The following SLC24A4 variants were observed in gnomAD, a reference collection of about 807,000 sequenced individuals.
SLC24A4 encodes the protein solute carrier family 24 member 4.
SLC24A4 carries 53 observed loss-of-function variants against 79.0 expected under a neutral mutation model. The observed-to-expected ratio is 0.67, with a 90% confidence interval of 0.54 to 0.84. The LOEUF is 0.84. Ranked by LOEUF, SLC24A4 falls within the 40% of genes least tolerant of loss-of-function variation. The pLI, the probability that SLC24A4 is intolerant of heterozygous loss-of-function variation, is 0.00. For synonymous variants in SLC24A4, 323 were observed against 323.8 expected (o/e 1.00, Z 0.03); for missense variants, 731 against 822.0 (o/e 0.89, Z 1.35).
intron 2 of SLC24A4, among the ~76,000 whole-genome samples, chr14:92,351,847 G>A (rs1886897535): frequency 6.6e-6 from 1 of 151,050 alleles, no homozygotes; most frequent in Admixed American, 6.6e-5. Flanking sequence ...CTGGGTGACA[G>A]GGTGAGATCT....
At chr14:92,429,946 T>TA (rs1367648905) in intron 2 of SLC24A4, among the ~76,000 whole-genome samples, 1 of 152,228 alleles carries the variant, frequency 6.6e-6, no homozygotes, top group African/African-American at 2.4e-5. Flanking sequence ...CAGTGACCCC[T>TA]AACTTATTCT....
chr14:92,447,446 C>T lies in SLC24A4; in HGVS notation c.737+22C>T, dbSNP rs60928101. On this transcript the variant is annotated intron_variant, in intron 9 of 16. Transcript: ENST00000532405. ...TGAAGTAAGTGCCCTTTCTCCTCCC[C>T]GGGGCTGCCGACGCCTTGCCCCACT... 2.8e-3 allele frequency: 4,505 copies of T among 1,611,754 alleles called. 102 individuals carry two copies. In the African/African-American group the frequency reaches 0.051, roughly 18 times the overall value.
intron 12 of SLC24A4, among the ~76,000 whole-genome samples, chr14:92,458,974 G>A (rs779958207): frequency 2.6e-5 from 4 of 152,176 alleles, no homozygotes; most frequent in Admixed American, 6.5e-5. Context: ...AGAGTTCTAT[G>A]TGCCCCTTCT....
At chr14:92,387,125 CA>C (rs1430491213) in intron 2 of SLC24A4, among the ~76,000 whole-genome samples, 1 of 139,796 alleles carries the variant, frequency 7.2e-6, no homozygotes, top group African/African-American at 2.7e-5. Context: ...GTGGGGGTTC[CA>C]AGGGGGCAAC....
chr14:92,460,834 G>T (rs891743671), intron 12 of SLC24A4, among the ~76,000 whole-genome samples: 1 of 152,182 alleles, frequency 6.6e-6, no homozygotes, highest in South Asian at 2.1e-4. Context: ...ATGACGGGTC[G>T]CTGGGATTGC....
Position 92,474,701 on chromosome 14 carries a change from ACG to A in SLC24A4, c.1256-7978_1256-7977del, listed in dbSNP as rs1307631812. Among the ~76,000 whole-genome samples the A allele has an allele frequency of 2.3e-3, 10 of 4,436 alleles. No individual in the cohort carries two copies. In the East Asian group the frequency reaches 0.091, roughly 40 times the overall value. 2.9% of individuals were successfully genotyped at this position (4,436 alleles called of 152,430 possible). A position where few individuals can be genotyped will look rare whatever the true frequency, so the allele number is the denominator to read the frequency against. ...TATATACACATATATATGTATATAT[ACG>A]TGTGTGTATATATATATACACACAC... On this transcript the variant is annotated intron_variant, in intron 12 of 16. Coordinates refer to ENST00000532405, the MANE Select transcript of SLC24A4 (RefSeq NM_153646.4).
intron 3 of SLC24A4, among the ~76,000 whole-genome samples, chr14:92,435,911 G>A (rs2139795302): frequency 6.6e-6 from 1 of 152,282 alleles, no homozygotes; most frequent in Middle Eastern, 3.4e-3. Flanking sequence ...CTGTGGTCCT[G>A]CCTCGTGAAA....
At chr14:92,369,949 G>T (rs1238333864) in intron 2 of SLC24A4, among the ~76,000 whole-genome samples, 1 of 152,192 alleles carries the variant, frequency 6.6e-6, no homozygotes, top group African/African-American at 2.4e-5. Context: ...GATGGATTTA[G>T]GGTTGAATTA....
chr14:92,403,755 G>A (rs1890232964), intron 2 of SLC24A4, among the ~76,000 whole-genome samples: 1 of 152,108 alleles, frequency 6.6e-6, no homozygotes, highest in Non-Finnish European at 1.5e-5. Context: ...TCTCTCATCT[G>A]TTTATTCTTT....
intron 1 of SLC24A4, among the ~76,000 whole-genome samples, chr14:92,324,788 G>C (rs1885029665): frequency 1.3e-5 from 2 of 152,184 alleles, no homozygotes; most frequent in Non-Finnish European, 2.9e-5. Context: ...AAAGACAAAA[G>C]AAATGCTGGT....
chr14:92,449,287 C>G, intron 10 of SLC24A4, 71 bp downstream of exon 10: 1 of 186,670 alleles, frequency 5.4e-6, no homozygotes. Flanking sequence ...TGTGTACACA[C>G]ACACACACAC....
chr14:92,429,170 CA>C (rs1384300073), intron 2 of SLC24A4, among the ~76,000 whole-genome samples: 1 of 151,956 alleles, frequency 6.6e-6, no homozygotes, highest in Non-Finnish European at 1.5e-5. Context: ...GCTCCTATAA[CA>C]AACTATGGTA....
chr14:92,359,874 C>T (rs903219177), intron 2 of SLC24A4, among the ~76,000 whole-genome samples: 2 of 152,182 alleles, frequency 1.3e-5, no homozygotes, highest in African/African-American at 2.4e-5. Context: ...AAGAAAAACT[C>T]TTTATGTAAA....
intron 2 of SLC24A4, among the ~76,000 whole-genome samples, chr14:92,389,305 CA>C (rs1889337750): frequency 2.0e-5 from 3 of 152,218 alleles, no homozygotes; most frequent in African/African-American, 7.2e-5. Context: ...TAAGTGCTCA[CA>C]ACACACATGC....
intron 2 of SLC24A4, among the ~76,000 whole-genome samples, chr14:92,334,704 CTGGCCG>C (rs1201629545): frequency 1.3e-5 from 2 of 152,120 alleles, no homozygotes; most frequent in Non-Finnish European, 2.9e-5. Flanking sequence ...TCACCCCTTA[CTGGCCG>C]TGTGACCCTG....
intron 8 of SLC24A4, among the ~76,000 whole-genome samples, chr14:92,447,086 T>C (rs114496636): frequency 0.012 from 1,874 of 152,260 alleles, 43 homozygotes; most frequent in African/African-American, 0.042. Context: ...GTGGCCCTAG[T>C]CCCTCCTTTT....
intron 4 of SLC24A4, 53 bp from the exon 5 acceptor site, chr14:92,442,036 T>G: frequency 7.0e-7 from 1 of 1,418,608 alleles, no homozygotes; most frequent in Non-Finnish European, 1.0e-6. Context: ...CGTCCAGTGA[T>G]GTCCAGTACC....
intron 2 of SLC24A4, among the ~76,000 whole-genome samples, chr14:92,342,638 C>A (rs1043081551): frequency 6.6e-6 from 1 of 152,196 alleles, no homozygotes; most frequent in Non-Finnish European, 1.5e-5. Flanking sequence ...CCGCCTCGGC[C>A]TCCCAAGTGC....
chr14:92,323,697 G>A lies in SLC24A4; in HGVS notation c.-134G>A. 1 of 1,183,672 alleles carries A rather than the reference G, an allele frequency of 8.4e-7. No individual in the cohort carries two copies. The highest frequency in any genetic ancestry group is 1.1e-6 in the Non-Finnish European group (1 of 878,832). 73.3% of individuals were successfully genotyped at this position (1,183,672 alleles called of 1,614,324 possible). A position where few individuals can be genotyped will look rare whatever the true frequency, so the allele number is the denominator to read the frequency against. ...CGCCGACCTCGCCCTCGGGCCATGA[G>A]GCTTTGGCCCGGAGCTCCTCGCCTC... On this transcript the variant is annotated 5_prime_UTR_variant, in exon 1 of 17. Transcript: ENST00000532405. The surrounding 1 kb of genome is among the most constrained non-coding windows in gnomAD (Gnocchi z 4.9).
Sources: gnomAD v4.1 joint callset for allele counts (sites outside exome capture counted in the v4.1 genomes callset) on GRCh38, gnomAD v4.1.1 for gene constraint, Gnocchi (gnomAD v3.1) non-coding constraint, MANE v1.5 for transcripts, NCBI Gene and HGNC (gene_info 2026-07-23, HGNC 2026-07-21) for gene names.